DRC9: variants seen among roughly 807,000 people sequenced by gnomAD.
The protein encoded by DRC9 is dynein regulatory complex subunit 9, also known as dynein regulatory complex protein 9.
the DRC9 span, among the ~76,000 whole-genome samples, chr3:197,937,177 T>C: frequency 6.6e-6 from 1 of 152,192 alleles, no homozygotes; most frequent in Non-Finnish European, 1.5e-5. Context: ...GTAAAAACTC[T>C]CATTTACCAA....
At chr3:197,919,935 C>T in the DRC9 span, among the ~76,000 whole-genome samples, 1 of 151,984 alleles carries the variant, frequency 6.6e-6, no homozygotes, top group African/African-American at 2.4e-5. Context: ...CTCGGTGGCT[C>T]ACGCCTGTAA....
the DRC9 span, chr3:197,938,456 C>A: frequency 1.1e-5 from 9 of 853,756 alleles, no homozygotes; most frequent in Non-Finnish European, 1.8e-5. Context: ...TAATGACTAA[C>A]CTGTAGACGA....
the DRC9 span, among the ~76,000 whole-genome samples, chr3:197,939,970 G>A: frequency 6.6e-6 from 1 of 152,032 alleles, no homozygotes; most frequent in Non-Finnish European, 1.5e-5. Context: ...TTAAAGAAAC[G>A]AGCTAAGTGT....
chr3:197,958,914 CT>C, the DRC9 span: 1 of 152,368 alleles, frequency 6.6e-6, no homozygotes, highest in Non-Finnish European at 1.5e-5. Context: ...ATTGAAACAG[CT>C]TTGCCTCCTG....
At chr3:197,933,976 A>T in the DRC9 span, among the ~76,000 whole-genome samples, 2 of 133,458 alleles carry the variant, frequency 1.5e-5, no homozygotes, top group East Asian at 2.1e-4. Flanking sequence ...TCACCCAGCT[A>T]AAAAAAAAAA....
At chr3:197,913,321 C>CGTGT in the DRC9 span, 1,098 of 195,522 alleles carry the variant, frequency 5.6e-3, 12 homozygotes, top group African/African-American at 0.018. Flanking sequence ...CCTGGCTTTG[C>CGTGT]GTGTGTGCGT....
the DRC9 span, among the ~76,000 whole-genome samples, chr3:197,893,357 CAAA>C: frequency 3.9e-4 from 17 of 43,272 alleles, no homozygotes; most frequent in African/African-American, 1.3e-3. Flanking sequence ...AACTCCGTCT[CAAA>C]AAAAAAAAAA....
At chr3:197,890,378 C>T in the DRC9 span, among the ~76,000 whole-genome samples, 1 of 150,456 alleles carries the variant, frequency 6.6e-6, no homozygotes, top group South Asian at 2.1e-4. Context: ...GCACTCCAGC[C>T]TGAGTGACAA....
chr3:197,923,144 G>A, the DRC9 span, among the ~76,000 whole-genome samples: 1 of 152,048 alleles, frequency 6.6e-6, no homozygotes, highest in African/African-American at 2.4e-5. Flanking sequence ...TTTTTGAGAC[G>A]GTCTCACTCT....
the DRC9 span, among the ~76,000 whole-genome samples, chr3:197,905,824 T>C: frequency 6.6e-6 from 1 of 152,134 alleles, no homozygotes; most frequent in African/African-American, 2.4e-5. Context: ...GCAAGTCTAT[T>C]AATGTATTTC....
chr3:197,950,948 C>T, the DRC9 span: 25 of 1,613,910 alleles, frequency 1.5e-5, no homozygotes, highest in Non-Finnish European at 1.8e-5. Context: ...CTGCTGGGAA[C>T]GGGACTTCTA....
the DRC9 span, among the ~76,000 whole-genome samples, chr3:197,932,005 A>G: frequency 6.6e-6 from 1 of 152,186 alleles, no homozygotes; most frequent in Non-Finnish European, 1.5e-5. Context: ...AGTCCTAGAA[A>G]TCTGACTTAT....
At chr3:197,904,773 T>C in the DRC9 span, among the ~76,000 whole-genome samples, 1 of 152,034 alleles carries the variant, frequency 6.6e-6, no homozygotes, top group African/African-American at 2.4e-5. Context: ...GGCAGGAGAA[T>C]TGCTTGAACC....
the DRC9 span, among the ~76,000 whole-genome samples, chr3:197,921,683 C>T: frequency 4.8e-4 from 65 of 135,226 alleles, no homozygotes; most frequent in Admixed American, 1.3e-3. Context: ...TTGGTCGACC[C>T]GACTACTGGT....
At chr3:197,951,579 CTGACCTTAGG>C in the DRC9 span, 501 of 446,042 alleles carry the variant, frequency 1.1e-3, 3 homozygotes, top group Admixed American at 1.3e-3. Flanking sequence ...TCCCAAACTC[CTGACCTTAGG>C]TGATCCGCCC....
chr3:197,938,266 G>A, the DRC9 span, among the ~76,000 whole-genome samples: 95 of 147,558 alleles, frequency 6.4e-4, no homozygotes, highest in Non-Finnish European at 9.9e-4. Flanking sequence ...GCACTGCGCC[G>A]AGATCAGACC....
At chr3:197,926,185 A>T in the DRC9 span, 1 of 767,888 alleles carries the variant, frequency 1.3e-6, no homozygotes, top group Non-Finnish European at 2.3e-6. Flanking sequence ...CGCACATAAG[A>T]AAACCAGATT....
At chr3:197,943,995 A>G in the DRC9 span, 1 of 1,613,994 alleles carries the variant, frequency 6.2e-7, no homozygotes, top group African/African-American at 1.3e-5. Context: ...TGTCACTGAC[A>G]CCGTCATCTC....
the DRC9 span, chr3:197,951,703 ATTG>A: frequency 4.4e-6 from 1 of 226,338 alleles, no homozygotes; most frequent in Non-Finnish European, 9.0e-6. Context: ...AGTACTTGGT[ATTG>A]TTTTTTTGTT....
Sources: gnomAD v4.1 joint callset for allele counts (sites outside exome capture counted in the v4.1 genomes callset) on GRCh38, gnomAD v4.1.1 for gene constraint, MANE v1.5 for transcripts, NCBI Gene and HGNC (gene_info 2026-07-23, HGNC 2026-07-21) for gene names.